The following NBPF3 variants were observed in gnomAD, a reference collection of about 807,000 sequenced individuals.
The protein encoded by NBPF3 is NBPF family member NBPF3.
In NBPF3, 57 loss-of-function variants were observed where a neutral mutation model predicts 78.1. The observed-to-expected ratio is 0.73, with a 90% CI of 0.59 to 0.91. NBPF3 has a LOEUF of 0.91. NBPF3 is among the 40% of genes least tolerant of loss of function. The pLI is 0.00. For missense variants in NBPF3, 510 were observed against 715.3 expected (o/e 0.71, Z 3.27); for synonymous variants, 182 against 271.7 (o/e 0.67, Z 3.25).
chr1:21,458,603 G>A (rs758209361), intron 2 of NBPF3, among the ~76,000 whole-genome samples: 2 of 152,190 alleles, frequency 1.3e-5, no homozygotes, highest in Admixed American at 6.5e-5. Context: ...GGCATTAACC[G>A]TTGATGCAAA....
chr1:21,439,320 C>G (rs1640502819), upstream of NBPF3, among the ~76,000 whole-genome samples: 2 of 151,994 alleles, frequency 1.3e-5, no homozygotes, highest in Admixed American at 1.3e-4. Context: ...GAAACCCCGT[C>G]TCTACTAAAA....
intron 2 of NBPF3, among the ~76,000 whole-genome samples, chr1:21,463,078 G>A (rs1642041927): frequency 6.6e-6 from 1 of 152,132 alleles, no homozygotes; most frequent in African/African-American, 2.4e-5. Context: ...TAATTAGAGA[G>A]GACCTAGTTC....
upstream of NBPF3, among the ~76,000 whole-genome samples, chr1:21,438,531 A>G (rs1569884102): frequency 6.6e-6 from 1 of 152,344 alleles, no homozygotes; most frequent in African/African-American, 2.4e-5. Flanking sequence ...AAGCTGTTCT[A>G]TATATAGCAC....
chr1:21,473,595 ATT>A lies in NBPF3; in HGVS notation c.940+13_940+14del. The A allele has an allele frequency of 6.2e-7, 1 of 1,609,996 alleles. No homozygotes were observed. The highest frequency in any genetic ancestry group is 8.5e-7 in the Non-Finnish European group (1 of 1,176,230). ...GTATGCATTATCCCAGGTAGCCTCT[ATT>A]TTCCTGTGTCTCACACCTTTTCCTA... On this transcript the variant is annotated intron_variant, in intron 7 of 14. Transcript: ENST00000318249.
chr1:21,469,211 A>G (rs1381608747), intron 3 of NBPF3, among the ~76,000 whole-genome samples: 3 of 152,206 alleles, frequency 2.0e-5, no homozygotes, highest in Non-Finnish European at 4.4e-5. Context: ...TCTGTACCAT[A>G]TAAGATCCGG....
chr1:21,474,514 C>T (rs1160221781), intron 7 of NBPF3, among the ~76,000 whole-genome samples: 3 of 152,146 alleles, frequency 2.0e-5, no homozygotes, highest in Non-Finnish European at 4.4e-5. Flanking sequence ...ATCTATCAGT[C>T]GAGTTTCATG....
At chr1:21,461,541 G>A (rs932403798) in intron 2 of NBPF3, among the ~76,000 whole-genome samples, 3 of 151,964 alleles carry the variant, frequency 2.0e-5, no homozygotes, top group Non-Finnish European at 2.9e-5. Context: ...GCACGATCTC[G>A]GCTCTGCCTC....
intron 2 of NBPF3, among the ~76,000 whole-genome samples, chr1:21,464,455 G>C (rs551405827): frequency 3.2e-4 from 49 of 152,022 alleles, no homozygotes; most frequent in African/African-American, 9.4e-4. Flanking sequence ...AGCACAAGAG[G>C]GGGGGAATTG....
Position 21,476,011 on chromosome 1 carries a change from C to G in NBPF3, c.992+1060C>G, listed in dbSNP as rs1054473244. On this transcript the variant is annotated intron_variant, in intron 8 of 14. Transcript: ENST00000318249. The surrounding 1 kb of genome is among the most constrained non-coding windows in gnomAD (Gnocchi z 4.1). The stretch of plus-strand genomic sequence containing the variant: ...TTAGCTTTTCATGTTGAATTGATCC[C>G]TTTGCAATTATGTAATGGCCTTCTT... 5.9e-5 allele frequency among the ~76,000 whole-genome samples: 9 copies of G among 152,122 alleles called. No homozygotes were observed. Among genetic ancestry groups the G allele is most frequent in the Non-Finnish European group, 1.2e-4 (8 of 68,036 alleles).
At position 21,449,802 on chromosome 1, in the gene NBPF3, A is replaced by G. The variant is rs573600743; in HGVS notation, c.133+4583A>G. Reference sequence around the variant, plus strand: ...TTTTATTCTTTCAGAAATGTGATTGATAACAGTAAAGCCACACTCCTCGCA... The same window carrying G: ...TTTTATTCTTTCAGAAATGTGATTGGTAACAGTAAAGCCACACTCCTCGCA... On this transcript the variant is annotated intron_variant, in intron 2 of 14. Coordinates refer to ENST00000318249, the MANE Select transcript of NBPF3 (RefSeq NM_032264.6). The G allele has an allele frequency of 4.0e-5, 9 of 227,494 alleles. No individual in the cohort carries two copies. The South Asian group carries it at 1.3e-3, about 32-fold the overall frequency. The allele number at this position is 227,494 out of a possible 1,614,324, so 14.1% of individuals were successfully genotyped here. A position where few individuals can be genotyped will look rare whatever the true frequency, so the allele number is the denominator to read the frequency against.
At chr1:21,480,894 G>A (rs772937012) in intron 11 of NBPF3, 36 bp from the exon 12 acceptor site, 2 of 1,508,192 alleles carry the variant, frequency 1.3e-6, no homozygotes, top group Non-Finnish European at 9.0e-7. Flanking sequence ...AGGTGAATTG[G>A]CTTATCTTGT....
intron 2 of NBPF3, among the ~76,000 whole-genome samples, chr1:21,445,627 C>T (rs1363578771): frequency 6.6e-6 from 1 of 151,908 alleles, no homozygotes; most frequent in African/African-American, 2.4e-5. Flanking sequence ...CCACCTGCAT[C>T]CCCCAGGCTA....
In NBPF3 at chr1:21,471,633, G is replaced by C; in HGVS notation, c.511G>C (p.Glu171Gln). The change falls in exon 5 of 15, where the codon GAA (glutamate) becomes CAA (glutamine). Residue 171 changes from glutamate to glutamine, a missense_variant. This residue lies in a region of NBPF3 where 440 missense variants were observed against 478.2 expected (regional missense o/e 0.92). Transcript: ENST00000318249. Reference protein sequence around the residue: ...ELTQLREKLQEGRDASRSLNQ... With the variant: ...ELTQLREKLQQGRDASRSLNQ... ...GACCCAGTTAAGGGAGAAGTTACAG[G>C]AAGGGAGAGATGCCTCCCGCTCATT... The C allele has an allele frequency of 6.2e-7, 1 of 1,612,626 alleles. No homozygotes were observed. The highest frequency in any genetic ancestry group is 1.3e-5 in the African/African-American group (1 of 74,952).
intron 1 of NBPF3, among the ~76,000 whole-genome samples, chr1:21,442,511 C>T (rs1217530800): frequency 2.0e-5 from 3 of 152,170 alleles, no homozygotes; most frequent in Non-Finnish European, 2.9e-5. Flanking sequence ...CCACTGCACC[C>T]GGCCTGAGAT....
At position 21,479,413 on chromosome 1, in the gene NBPF3, A is replaced by T. The variant is rs1435203137; in HGVS notation, c.1208+13A>T. ...CCACAAGTCCCAGGTGAGTCTGAGA[A>T]ATTATGGACAGTTAATTTGATGTTG... On this transcript the variant is annotated intron_variant, in intron 10 of 14. Coordinates refer to ENST00000318249, the MANE Select transcript of NBPF3 (RefSeq NM_032264.6). 1 of 1,607,650 alleles carries T rather than the reference A, an allele frequency of 6.2e-7. No homozygotes were observed. The highest frequency in any genetic ancestry group is 1.7e-5 in the Admixed American group (1 of 59,932).
intron 7 of NBPF3, 36 bp downstream of exon 7, chr1:21,473,621 T>C (rs777227431): frequency 1.4e-5 from 21 of 1,550,028 alleles, no homozygotes; most frequent in Middle Eastern, 3.3e-4. Context: ...CACCTTTTCC[T>C]ATGCTGAGGA....
At chr1:21,477,925 C>A (rs1268785308) in intron 8 of NBPF3, 8 of 903,896 alleles carry the variant, frequency 8.9e-6, no homozygotes, top group Non-Finnish European at 1.3e-5. Context: ...TGATCTGTGG[C>A]AAATGTACTG....
intron 2 of NBPF3, among the ~76,000 whole-genome samples, chr1:21,459,401 G>C (rs2147945704): frequency 6.6e-6 from 1 of 152,202 alleles, no homozygotes; most frequent in Admixed American, 6.5e-5. Context: ...CAAACAATAT[G>C]ACCACATATG....
At chr1:21,465,900 G>A (rs1420234102) in intron 2 of NBPF3, among the ~76,000 whole-genome samples, 1 of 152,252 alleles carries the variant, frequency 6.6e-6, no homozygotes, top group Non-Finnish European at 1.5e-5. Context: ...ATTCAGGACA[G>A]TTGTGTTCAC....
Sources: gnomAD v4.1 joint callset for allele counts (sites outside exome capture counted in the v4.1 genomes callset) on GRCh38, gnomAD v4.1.1 for gene constraint, gnomAD v4.1.1 regional missense constraint, Gnocchi (gnomAD v3.1) non-coding constraint, MANE v1.5 for transcripts, NCBI Gene and HGNC (gene_info 2026-07-23, HGNC 2026-07-21) for gene names.